Variants in AMZ2 observed in about 807,000 individuals in gnomAD.
AMZ2 encodes archaelysin family metallopeptidase 2.
Under a neutral mutation model 36.7 loss-of-function variants are expected in AMZ2, and 26 were observed. That is an observed-to-expected ratio of 0.71 (90% CI 0.52 to 0.98). AMZ2 has a LOEUF of 0.98. Among genes scored for constraint, AMZ2 ranks in the 50% least tolerant of loss-of-function variants. The probability of loss-of-function intolerance (pLI) is 0.00; values close to 1 mark genes in which losing one functional copy is unlikely to be tolerated. For synonymous variants in AMZ2, 144 were observed against 149.1 expected (o/e 0.97, Z 0.25); for missense variants, 394 against 430.5 (o/e 0.92, Z 0.75).
chr17:68,220,520 A>T (rs1410127320), intron 1 of AMZ2, among the ~76,000 whole-genome samples: 1 of 151,816 alleles, frequency 6.6e-6, no homozygotes, highest in Non-Finnish European at 1.5e-5. Flanking sequence ...AGTGCTCAAA[A>T]AATGTTTGTA....
intron 1 of AMZ2, among the ~76,000 whole-genome samples, chr17:68,227,581 G>A (rs1203418617): frequency 2.6e-5 from 4 of 152,168 alleles, no homozygotes; most frequent in African/African-American, 7.2e-5. Context: ...GTGGCCAGCC[G>A]CATTCCTTGG....
intron 1 of AMZ2, among the ~76,000 whole-genome samples, chr17:68,220,782 C>CTT (rs11298867): frequency 2.3e-5 from 3 of 131,808 alleles, no homozygotes; most frequent in East Asian, 2.2e-4. Context: ...TTTTCTTTCT[C>CTT]TTTTTTTTTT....
chr17:68,254,132 ACT>A (rs1470017919), intron 4 of AMZ2, among the ~76,000 whole-genome samples: 1 of 152,024 alleles, frequency 6.6e-6, no homozygotes, highest in Non-Finnish European at 1.5e-5. Flanking sequence ...GTGGGAAAAG[ACT>A]CTCTGAAACT....
At chr17:68,249,074 G>A (rs1457162100) in intron 1 of AMZ2, 2 of 1,187,060 alleles carry the variant, frequency 1.7e-6, no homozygotes, top group Non-Finnish European at 2.1e-6. Context: ...GGAACACGAT[G>A]TGAATGGAAG....
At chr17:68,215,815 A>G (rs1349615536) in intron 1 of AMZ2, among the ~76,000 whole-genome samples, 2 of 150,182 alleles carry the variant, frequency 1.3e-5, no homozygotes, top group Non-Finnish European at 3.0e-5. Context: ...GCTTGTCCTT[A>G]CCCTTTGGAT....
intron 1 of AMZ2, among the ~76,000 whole-genome samples, chr17:68,211,280 A>G (rs782763194): frequency 7.6e-4 from 116 of 152,088 alleles, no homozygotes; most frequent in Non-Finnish European, 1.1e-3. Context: ...ATGCGGTAGG[A>G]TCATGAGGTC....
chr17:68,245,704 CT>C (rs1555735129), upstream of AMZ2, among the ~76,000 whole-genome samples: 1 of 152,164 alleles, frequency 6.6e-6, no homozygotes, highest in African/African-American at 2.4e-5. Flanking sequence ...GACTGAAAAT[CT>C]AGTGAATACC....
At chr17:68,242,885 A>C (rs1210519717) in intron 1 of AMZ2, among the ~76,000 whole-genome samples, 1 of 151,630 alleles carries the variant, frequency 6.6e-6, no homozygotes, top group African/African-American at 2.4e-5. Flanking sequence ...CTACAAAAAA[A>C]CACAAAACAT....
At chr17:68,218,208 GT>G (rs756187306) in intron 1 of AMZ2, among the ~76,000 whole-genome samples, 53 of 152,226 alleles carry the variant, frequency 3.5e-4, no homozygotes, top group Non-Finnish European at 6.3e-4. Flanking sequence ...CATTATGTAA[GT>G]GGGCCAATCT....
chr17:68,244,981 C>T (rs2073972090), upstream of AMZ2, among the ~76,000 whole-genome samples: 1 of 152,140 alleles, frequency 6.6e-6, no homozygotes, highest in African/African-American at 2.4e-5. Flanking sequence ...AACCCTTCAT[C>T]TGCCATATAT....
At chr17:68,241,060 G>A (rs1270404568) in intron 1 of AMZ2, among the ~76,000 whole-genome samples, 1 of 152,156 alleles carries the variant, frequency 6.6e-6, no homozygotes, top group Non-Finnish European at 1.5e-5. Context: ...AGAGCAAAGT[G>A]TAGTTGTAGT....
Position 68,248,503 on chromosome 17 carries a change from A to G in AMZ2, c.-203A>G. On this transcript the variant is annotated 5_prime_UTR_variant, in exon 1 of 7. Transcript: ENST00000359904. ...CCTAGGCCTCCAGCCCACTGCAGTGACCGAATTCTGCGCCCCCTGCCCATC... is the reference window on the plus strand; with the variant it reads ...CCTAGGCCTCCAGCCCACTGCAGTGGCCGAATTCTGCGCCCCCTGCCCATC... The G allele has an allele frequency of 1.0e-6, 1 of 986,056 alleles. No homozygotes were observed. The highest frequency in any genetic ancestry group is 1.2e-6 in the Non-Finnish European group (1 of 830,042). The allele number at this position is 986,056 out of a possible 1,614,324, so 61.1% of individuals were successfully genotyped here.
chr17:68,254,649 G>T, intron 5 of AMZ2, 82 bp downstream of exon 5: 1 of 1,230,736 alleles, frequency 8.1e-7, no homozygotes, highest in Non-Finnish European at 1.1e-6. Flanking sequence ...AGTCCGTAAG[G>T]TAATATTATA....
chr17:68,245,736 G>T (rs1289231606), upstream of AMZ2, among the ~76,000 whole-genome samples: 1 of 152,112 alleles, frequency 6.6e-6, no homozygotes, highest in African/African-American at 2.4e-5. Flanking sequence ...CAGACACCTC[G>T]TATAGAGAGT....
At position 68,235,269 on chromosome 17, in the gene AMZ2, G is replaced by A. The variant is rs2073759479; in HGVS notation, c.-66-13371G>A. Among the ~76,000 whole-genome samples, 1 of 152,178 alleles carries A rather than the reference G, an allele frequency of 6.6e-6. No individual in the cohort carries two copies. Among genetic ancestry groups the A allele is most frequent in the South Asian group, 2.1e-4 (1 of 4,826 alleles). ...CAGGGCTTTGTGTTTTTGCCTTTGG[G>A]CTTTTGCCATGCCTGGTTATTGGGC... On this transcript the variant is annotated intron_variant, in intron 1 of 7. Coordinates refer to the AMZ2 transcript ENST00000674770. The surrounding 1 kb of genome is among the most constrained non-coding windows in gnomAD (Gnocchi z 4.2).
At position 68,256,927 on chromosome 17, in the gene AMZ2, G is replaced by C; in HGVS notation, c.1041G>C (p.Trp347Cys). Residue 347 changes from tryptophan to cysteine, a missense_variant, in exon 7 of 7, where the codon TGG becomes TGC. By Grantham distance (215) the Trp-to-Cys change is radical. Coordinates refer to ENST00000359904, the MANE Select transcript of AMZ2 (RefSeq NM_016627.5). ...LPKPVEAFKEWKEWIIKCLAV... is the reference protein window; with the variant it reads ...LPKPVEAFKECKEWIIKCLAV... The stretch of plus-strand genomic sequence containing the variant: ...AACCCGTGGAAGCCTTTAAGGAATG[G>C]AAAGAGTGGATAATAAAATGCCTGG... 1 of 1,614,090 alleles carries C rather than the reference G, an allele frequency of 6.2e-7. No individual in the cohort carries two copies. Among genetic ancestry groups the C allele is most frequent in the Non-Finnish European group, 8.5e-7 (1 of 1,179,980 alleles).
intron 1 of AMZ2, among the ~76,000 whole-genome samples, chr17:68,224,656 C>G (rs1438704143): frequency 2.6e-5 from 4 of 151,736 alleles, no homozygotes; most frequent in Non-Finnish European, 5.9e-5. Context: ...CTTCCAGTCT[C>G]AGCCTCCCCA....
At chr17:68,228,928 C>T (rs531903059) in intron 1 of AMZ2, among the ~76,000 whole-genome samples, 2 of 152,344 alleles carry the variant, frequency 1.3e-5, no homozygotes, top group South Asian at 4.1e-4. Flanking sequence ...ATCCTGGCCC[C>T]GTCAAGAGCT....
intron 1 of AMZ2, among the ~76,000 whole-genome samples, chr17:68,231,749 C>T (rs569466462): frequency 6.6e-6 from 1 of 152,154 alleles, no homozygotes; most frequent in Admixed American, 6.5e-5. Context: ...ATCATGAGGT[C>T]ACCACCACCT....
Sources: gnomAD v4.1 joint callset for allele counts (sites outside exome capture counted in the v4.1 genomes callset) on GRCh38, gnomAD v4.1.1 for gene constraint, Gnocchi (gnomAD v3.1) non-coding constraint, MANE v1.5 for transcripts, NCBI Gene and HGNC (gene_info 2026-07-23, HGNC 2026-07-21) for gene names.